The following DCC variants were observed in gnomAD, a reference collection of about 807,000 sequenced individuals.
DCC encodes the protein DCC netrin 1 receptor, also known as netrin receptor DCC.
Under a neutral mutation model 172.5 loss-of-function variants are expected in DCC, and 58 were observed. The ratio of observed to expected loss-of-function variants is 0.34; its 90% CI spans 0.27 to 0.42. DCC has a LOEUF of 0.42. Among genes scored for constraint, DCC ranks in the 10% least tolerant of loss-of-function variants. The probability of loss-of-function intolerance (pLI) is 1.00; values close to 1 mark genes in which losing one functional copy is unlikely to be tolerated. For missense variants in DCC, 1,740 were observed against 1,791.0 expected (o/e 0.97, Z 0.51); for synonymous variants, 709 against 644.5 (o/e 1.10, Z -1.52).
intron 28 of DCC, among the ~76,000 whole-genome samples, chr18:53,527,170 T>A (rs920716159): frequency 1.5e-5 from 2 of 135,150 alleles, no homozygotes; most frequent in Non-Finnish European, 3.1e-5. Flanking sequence ...CTTGGCATTC[T>A]TGGAAATAAA....
intron 1 of DCC, among the ~76,000 whole-genome samples, chr18:52,751,413 T>G (rs2036992483): frequency 6.6e-6 from 1 of 152,226 alleles, no homozygotes; most frequent in South Asian, 2.1e-4. Context: ...CTGTAATATT[T>G]ATTTAGATTT....
chr18:52,570,657 T>C (rs901891959), intron 1 of DCC, among the ~76,000 whole-genome samples: 6 of 152,202 alleles, frequency 3.9e-5, no homozygotes, highest in African/African-American at 1.4e-4. Context: ...ATGTTTAGAA[T>C]GGATTTAGAA....
chr18:52,874,983 T>A (rs189705648), intron 2 of DCC, among the ~76,000 whole-genome samples: 111 of 152,212 alleles, frequency 7.3e-4, no homozygotes, highest in African/African-American at 2.4e-3. Context: ...CGGTTCCTGA[T>A]TTTTTGGCAT....
Position 52,906,241 on chromosome 18 carries a change from C to G in DCC, c.610C>G (p.Pro204Ala), listed in dbSNP as rs200878561. 23 of 1,613,914 alleles carry G rather than the reference C, an allele frequency of 1.4e-5. No homozygotes were observed. The highest frequency in any genetic ancestry group is 1.9e-5 in the Non-Finnish European group (22 of 1,180,034). Residue 204 changes from proline to alanine, a missense_variant, in exon 3 of 29, where the codon CCG becomes GCG. Physicochemically the swap from Pro to Ala is conservative, Grantham distance 27. Around this residue, in one of 2 missense-constraint regions of DCC, gnomAD observed 1,732 missense variants for 1,767.4 expected, o/e 0.98. Coordinates refer to ENST00000442544, the MANE Select transcript of DCC (RefSeq NM_005215.4). ...AGCATTGCAGATCAGCCGACTCCAA[C>G]CGGGGGACATTGGAATTTACCGATG... ...SGALQISRLQ[P>A]GDIGIYRCSA...
At chr18:52,598,717 T>A (rs1408869079) in intron 1 of DCC, among the ~76,000 whole-genome samples, 3 of 152,202 alleles carry the variant, frequency 2.0e-5, no homozygotes, top group Non-Finnish European at 4.4e-5. Flanking sequence ...TCAGTCTGTT[T>A]TGTGCTGCTA....
intron 5 of DCC, among the ~76,000 whole-genome samples, chr18:52,971,008 A>G (rs2041021878): frequency 6.6e-6 from 1 of 152,126 alleles, no homozygotes; most frequent in Non-Finnish European, 1.5e-5. Flanking sequence ...ATTAGCTAGG[A>G]ATTGATGCTA....
At chr18:52,964,021 G>A (rs1298752503) in intron 5 of DCC, among the ~76,000 whole-genome samples, 2 of 152,054 alleles carry the variant, frequency 1.3e-5, no homozygotes, top group Non-Finnish European at 2.9e-5. Flanking sequence ...AGACTTTAAT[G>A]GATAGAGACA....
intron 1 of DCC, among the ~76,000 whole-genome samples, chr18:52,404,314 C>A (rs542940400): frequency 6.6e-6 from 1 of 152,100 alleles, no homozygotes; most frequent in East Asian, 1.9e-4. Flanking sequence ...GCTGACTATG[C>A]TTTTACTGAA....
intron 27 of DCC, among the ~76,000 whole-genome samples, chr18:53,513,182 C>G (rs2046280921): frequency 6.6e-6 from 1 of 152,140 alleles, no homozygotes; most frequent in South Asian, 2.1e-4. Context: ...AAAGAATTTT[C>G]AACCCAGAAT....
At chr18:52,788,817 T>C (rs2037708949) in intron 2 of DCC, among the ~76,000 whole-genome samples, 1 of 152,062 alleles carries the variant, frequency 6.6e-6, no homozygotes, top group African/African-American at 2.4e-5. Flanking sequence ...CCCAAAAATA[T>C]TGGTGCCGTT....
intron 5 of DCC, among the ~76,000 whole-genome samples, chr18:52,980,080 T>A (rs1289015066): frequency 6.6e-6 from 1 of 152,128 alleles, no homozygotes; most frequent in Non-Finnish European, 1.5e-5. Context: ...CACCCCCAAC[T>A]GTCTGCCTTA....
chr18:52,371,491 G>A (rs1464130528), intron 1 of DCC, among the ~76,000 whole-genome samples: 3 of 152,176 alleles, frequency 2.0e-5, no homozygotes, highest in South Asian at 2.1e-4. Flanking sequence ...GTTAGTGAAC[G>A]TTTACTAAGA....
intron 7 of DCC, among the ~76,000 whole-genome samples, chr18:53,096,625 TG>T (rs1319023622): frequency 6.6e-6 from 1 of 152,062 alleles, no homozygotes; most frequent in African/African-American, 2.4e-5. Context: ...ATAAATATAA[TG>T]GAGGGGCTAT....
chr18:52,794,270 AT>A (rs1285941047), intron 2 of DCC, among the ~76,000 whole-genome samples: 2 of 152,098 alleles, frequency 1.3e-5, no homozygotes, highest in African/African-American at 4.8e-5. Context: ...CTATTTTAAA[AT>A]ATTGATTCCT....
At chr18:52,812,435 A>C (rs2038219756) in intron 2 of DCC, among the ~76,000 whole-genome samples, 1 of 152,194 alleles carries the variant, frequency 6.6e-6, no homozygotes, top group Admixed American at 6.5e-5. Context: ...AATTCACTTT[A>C]TTAATGTTTG....
chr18:52,644,618 G>C (rs1007484467), intron 1 of DCC, among the ~76,000 whole-genome samples: 3 of 151,368 alleles, frequency 2.0e-5, no homozygotes, highest in African/African-American at 7.3e-5. Flanking sequence ...AGTCAGATGT[G>C]GTGGCTCCAG....
intron 27 of DCC, among the ~76,000 whole-genome samples, chr18:53,513,516 G>A (rs576878999): frequency 9.2e-5 from 14 of 152,258 alleles, no homozygotes; most frequent in African/African-American, 3.4e-4. Flanking sequence ...GACACAGAAT[G>A]GCAAATTGGA....
intron 21 of DCC, among the ~76,000 whole-genome samples, chr18:53,430,939 G>T (rs564951414): frequency 6.6e-6 from 1 of 152,034 alleles, no homozygotes; most frequent in South Asian, 2.1e-4. Context: ...TGCCAAAAAG[G>T]GATAAAAAGA....
chr18:53,066,000 A>C (rs760490789), intron 6 of DCC, 46 bp from the exon 7 acceptor site: 3 of 1,609,456 alleles, frequency 1.9e-6, no homozygotes, highest in Non-Finnish European at 2.5e-6. Flanking sequence ...GTCACCTTGC[A>C]TTTTTTGCTT....
Sources: allele counts gnomAD v4.1 joint callset (sites outside exome capture counted in the v4.1 genomes callset), GRCh38; gene constraint gnomAD v4.1.1; regional missense constraint gnomAD v4.1.1; transcripts MANE v1.5; gene names NCBI Gene and HGNC (gene_info 2026-07-23, HGNC 2026-07-21).